PHF24: variants seen among roughly 807,000 people sequenced by gnomAD.
PHF24 encodes PHD finger protein 24.
Under a neutral mutation model 42.6 loss-of-function variants are expected in PHF24, and 25 were observed. The ratio of observed to expected loss-of-function variants is 0.59; its 90% confidence interval spans 0.43 to 0.82. The LOEUF is 0.82. PHF24 is among the 40% of genes least tolerant of loss of function. The pLI is 0.00. For missense variants in PHF24, 470 were observed against 538.1 expected (o/e 0.87, Z 1.25); for synonymous variants, 185 against 204.8 (o/e 0.90, Z 0.83).
chr9:34,965,787 C>G (rs1826748074), intron 1 of PHF24, among the ~76,000 whole-genome samples: 3 of 152,182 alleles, frequency 2.0e-5, no homozygotes, highest in Admixed American at 2.0e-4. Context: ...ACTGGCTGGT[C>G]TTTGTTCAAT....
chr9:34,783,930 G>A, the PHF24 span, among the ~76,000 whole-genome samples: 2,996 of 152,162 alleles, frequency 0.02, 106 homozygotes, highest in African/African-American at 0.067. Context: ...ACTTTTCTTA[G>A]ACCAGTAAAA....
the PHF24 span, chr9:34,723,264 C>A: frequency 1.9e-6 from 3 of 1,551,556 alleles, no homozygotes; most frequent in African/African-American, 1.4e-5. Flanking sequence ...TTGGCACAAG[C>A]CTCTCGAGGA....
At chr9:34,849,986 G>A in the PHF24 span, among the ~76,000 whole-genome samples, 1 of 152,118 alleles carries the variant, frequency 6.6e-6, no homozygotes, top group East Asian at 1.9e-4. Context: ...TAGTCTGATG[G>A]GCTTCCCTTT....
chr9:34,870,121 A>T, the PHF24 span, among the ~76,000 whole-genome samples: 7 of 152,040 alleles, frequency 4.6e-5, no homozygotes, highest in East Asian at 9.6e-4. Flanking sequence ...AAAAGCTTGC[A>T]TATGCCCCCA....
the PHF24 span, chr9:34,689,649 C>T: frequency 2.8e-6 from 2 of 726,128 alleles, no homozygotes; most frequent in Non-Finnish European, 4.7e-6. The surrounding 1 kb of genome is among the most constrained non-coding windows in gnomAD (Gnocchi z 4.1). Context: ...CACACTCACC[C>T]TCTCGCTCAC....
the PHF24 span, among the ~76,000 whole-genome samples, chr9:34,684,286 A>G: frequency 6.6e-6 from 1 of 152,202 alleles, no homozygotes; most frequent in African/African-American, 2.4e-5. Flanking sequence ...ATGAGGCATC[A>G]CTTTAGACGT....
chr9:34,845,863 T>C, the PHF24 span, among the ~76,000 whole-genome samples: 1 of 151,308 alleles, frequency 6.6e-6, no homozygotes, highest in Non-Finnish European at 1.5e-5. Flanking sequence ...GGTTTTTTGT[T>C]CTTGCGATAG....
the PHF24 span, among the ~76,000 whole-genome samples, chr9:34,791,191 A>G: frequency 0.051 from 7,737 of 152,324 alleles, 653 homozygotes; most frequent in African/African-American, 0.18. Context: ...TCATGAAAGC[A>G]ATTGCAGAAG....
chr9:34,945,719 C>G, the PHF24 span, among the ~76,000 whole-genome samples: 1 of 152,198 alleles, frequency 6.6e-6, no homozygotes, highest in African/African-American at 2.4e-5. Context: ...CATGTTATAA[C>G]ACAGCACAAA....
At chr9:34,898,459 T>C in the PHF24 span, among the ~76,000 whole-genome samples, 1 of 152,220 alleles carries the variant, frequency 6.6e-6, no homozygotes, top group East Asian at 1.9e-4. Flanking sequence ...AAAAGGAAAC[T>C]AGATCTTCAT....
chr9:34,818,298 A>G, the PHF24 span, among the ~76,000 whole-genome samples: 2 of 152,166 alleles, frequency 1.3e-5, no homozygotes, highest in Admixed American at 6.6e-5. Context: ...ACTGAATATG[A>G]TATTAGCTGT....
the PHF24 span, among the ~76,000 whole-genome samples, chr9:34,865,238 C>G: frequency 6.6e-6 from 1 of 150,388 alleles, no homozygotes; most frequent in South Asian, 2.1e-4. Context: ...TTGTTATCAG[C>G]TTAAAATGAT....
the PHF24 span, among the ~76,000 whole-genome samples, chr9:34,893,849 A>G: frequency 6.6e-6 from 1 of 152,244 alleles, no homozygotes; most frequent in East Asian, 1.9e-4. Context: ...ATTTGAGGCT[A>G]AGAAACCCAA....
the PHF24 span, chr9:34,728,009 A>T: frequency 6.4e-7 from 1 of 1,551,634 alleles, no homozygotes; most frequent in Non-Finnish European, 8.7e-7. Flanking sequence ...GAGTGCAAAG[A>T]GCAATAGATC....
At chr9:34,850,584 A>C in the PHF24 span, among the ~76,000 whole-genome samples, 2 of 152,270 alleles carry the variant, frequency 1.3e-5, no homozygotes, top group Admixed American at 1.3e-4. Flanking sequence ...GATCATCTGA[A>C]GCCTTCTTCT....
chr9:34,688,440 T>C, the PHF24 span, among the ~76,000 whole-genome samples: 1 of 152,184 alleles, frequency 6.6e-6, no homozygotes, highest in Non-Finnish European at 1.5e-5. Context: ...CTCCCAGAGC[T>C]GAGATTCCTT....
chr9:34,965,502 A>T (rs1457897622), intron 1 of PHF24, among the ~76,000 whole-genome samples: 1 of 152,254 alleles, frequency 6.6e-6, no homozygotes, highest in Non-Finnish European at 1.5e-5. Context: ...TGTGCTTAGG[A>T]CTGGAAAGCG....
At chr9:34,665,748 C>A in the PHF24 span, 1 of 692,542 alleles carries the variant, frequency 1.4e-6, no homozygotes. Flanking sequence ...ATTCTCAGGA[C>A]GAGGCTGCCC....
chr9:34,780,539 C>A, the PHF24 span, among the ~76,000 whole-genome samples: 1 of 151,998 alleles, frequency 6.6e-6, no homozygotes, highest in Non-Finnish European at 1.5e-5. Context: ...CCTGCTTCAG[C>A]CTCCCAAAGT....
Sources: gnomAD v4.1 joint callset for allele counts (sites outside exome capture counted in the v4.1 genomes callset) on GRCh38, gnomAD v4.1.1 for gene constraint, Gnocchi (gnomAD v3.1) non-coding constraint, MANE v1.5 for transcripts, NCBI Gene and HGNC (gene_info 2026-07-23, HGNC 2026-07-21) for gene names.